Variants in RUNX1 observed in about 807,000 individuals in gnomAD.
RUNX1 encodes the protein runt-related transcription factor 1.
In RUNX1, 19 loss-of-function variants were observed where a neutral mutation model predicts 42.8. The observed-to-expected ratio is 0.44, with a 90% confidence interval of 0.31 to 0.65. RUNX1 has a LOEUF of 0.65. Among genes scored for constraint, RUNX1 ranks in the 30% least tolerant of loss-of-function variants. The pLI, the probability that RUNX1 is intolerant of heterozygous loss-of-function variation, is 0.07. For missense variants in RUNX1, 528 were observed against 672.0 expected (o/e 0.79, Z 2.37); for synonymous variants, 271 against 289.4 (o/e 0.94, Z 0.64).
chr21:34,996,243 T>C (rs1384771002), intron 2 of RUNX1, among the ~76,000 whole-genome samples: 1 of 151,682 alleles, frequency 6.6e-6, no homozygotes, highest in Admixed American at 6.6e-5. Flanking sequence ...TTGTATATAT[T>C]GCTCAGCTCA....
chr21:34,880,789 TA>T (rs1163485737), intron 4 of RUNX1, 76 bp from the exon 5 acceptor site: 2 of 1,426,750 alleles, frequency 1.4e-6, no homozygotes, highest in Middle Eastern at 1.8e-4. Context: ...GTGTAGTGAT[TA>T]TTCTAAAATT....
At chr21:35,010,090 G>T (rs1018052870) in intron 2 of RUNX1, among the ~76,000 whole-genome samples, 1 of 152,128 alleles carries the variant, frequency 6.6e-6, no homozygotes, top group African/African-American at 2.4e-5. Context: ...GAGAAAGCAC[G>T]ACGTCTGTGA....
At chr21:34,889,715 G>A (rs1386529615) in intron 3 of RUNX1, 4 of 1,185,382 alleles carry the variant, frequency 3.4e-6, no homozygotes, top group Admixed American at 4.2e-5. Flanking sequence ...CCCCTGCGCC[G>A]GTCCCCGCGG....
intron 6 of RUNX1, among the ~76,000 whole-genome samples, chr21:34,852,196 A>AAAC (rs1346200376): frequency 6.6e-6 from 1 of 151,678 alleles, no homozygotes; most frequent in African/African-American, 2.4e-5. Context: ...AAACAAAACA[A>AAAC]AACAACAACC....
intron 2 of RUNX1, among the ~76,000 whole-genome samples, chr21:34,908,704 T>C (rs766674768): frequency 3.3e-5 from 5 of 152,238 alleles, no homozygotes; most frequent in Non-Finnish European, 5.9e-5. Context: ...CAAGTCCTGC[T>C]TTCCCAATTT....
chr21:34,951,311 A>G (rs536530443), intron 2 of RUNX1, among the ~76,000 whole-genome samples: 2 of 152,224 alleles, frequency 1.3e-5, no homozygotes, highest in East Asian at 1.9e-4. Context: ...AAAAACTATA[A>G]TTCTTTTGAA....
chr21:34,979,898 G>A lies in RUNX1; in HGVS notation c.58+68944C>T, dbSNP rs531350230. ...GAGTGAGGAGTGCTGGGTCTGCCAGGTGGAGGGTGCTGGGTTCGTCTCAGT... is the reference window on the plus strand; with the variant it reads ...GAGTGAGGAGTGCTGGGTCTGCCAGATGGAGGGTGCTGGGTTCGTCTCAGT... On this transcript the variant is annotated intron_variant, in intron 2 of 8. Coordinates refer to ENST00000675419, the MANE Select transcript of RUNX1 (RefSeq NM_001754.5). Among the ~76,000 whole-genome samples the A allele has an allele frequency of 2.2e-4, 33 of 152,284 alleles. No homozygotes were observed. In the South Asian group the frequency reaches 6.2e-3, roughly 29 times the overall value.
At chr21:34,814,924 ACTCT>A (rs372183859) in intron 7 of RUNX1, among the ~76,000 whole-genome samples, 2 of 151,056 alleles carry the variant, frequency 1.3e-5, no homozygotes, top group South Asian at 2.1e-4. Context: ...TCACTGACTG[ACTCT>A]CTCTCTCTCA....
chr21:34,906,622 A>T (rs562606258), intron 2 of RUNX1, among the ~76,000 whole-genome samples: 154 of 152,356 alleles, frequency 1.0e-3, no homozygotes, highest in African/African-American at 3.6e-3. Flanking sequence ...CAGTCAGTGC[A>T]CAGAGTAGAC....
At chr21:34,903,349 T>G (rs2834665) in intron 2 of RUNX1, among the ~76,000 whole-genome samples, 39,877 of 152,094 alleles carry the variant, frequency 0.26, 5,804 homozygotes, top group African/African-American at 0.38. Flanking sequence ...TAATTCCTAT[T>G]CAATAAACAG....
intron 2 of RUNX1, among the ~76,000 whole-genome samples, chr21:35,016,797 C>T (rs1255135992): frequency 6.6e-6 from 1 of 152,058 alleles, no homozygotes; most frequent in African/African-American, 2.4e-5. Flanking sequence ...ATGTCCTTCC[C>T]ATCCAAGAGG....
At chr21:34,994,090 T>C (rs1320575515) in intron 2 of RUNX1, among the ~76,000 whole-genome samples, 1 of 152,198 alleles carries the variant, frequency 6.6e-6, no homozygotes, top group Non-Finnish European at 1.5e-5. Context: ...CAGCCCCCTC[T>C]TAGTGAATGG....
intron 2 of RUNX1, among the ~76,000 whole-genome samples, chr21:35,036,900 A>G (rs1212464444): frequency 1.3e-5 from 2 of 152,192 alleles, no homozygotes; most frequent in Non-Finnish European, 2.9e-5. Context: ...AGGGTCAGTC[A>G]GGGTTGGGGT....
chr21:34,923,428 C>A (rs550056844), intron 2 of RUNX1, among the ~76,000 whole-genome samples: 14 of 152,290 alleles, frequency 9.2e-5, no homozygotes, highest in Middle Eastern at 3.4e-3. Flanking sequence ...GACAGTTATG[C>A]ACGTTTTTAA....
At chr21:35,025,453 G>C (rs948877222) in intron 2 of RUNX1, among the ~76,000 whole-genome samples, 1 of 152,126 alleles carries the variant, frequency 6.6e-6, no homozygotes, top group Admixed American at 6.5e-5. Flanking sequence ...ATTCAAGAGA[G>C]AGCCAAGTTC....
chr21:34,878,029 C>T (rs2057839433), intron 5 of RUNX1, among the ~76,000 whole-genome samples: 1 of 151,994 alleles, frequency 6.6e-6, no homozygotes, highest in South Asian at 2.1e-4. Flanking sequence ...TTTTCAAAAA[C>T]AGAAAATGAG....
intron 2 of RUNX1, among the ~76,000 whole-genome samples, chr21:34,927,478 C>T (rs936508058): frequency 6.6e-6 from 1 of 152,174 alleles, no homozygotes; most frequent in Non-Finnish European, 1.5e-5. Flanking sequence ...CATGCAAGTG[C>T]CCTGGGTCAA....
At chr21:34,977,483 A>C (rs978443413) in intron 2 of RUNX1, among the ~76,000 whole-genome samples, 1 of 152,132 alleles carries the variant, frequency 6.6e-6, no homozygotes, top group Non-Finnish European at 1.5e-5. Flanking sequence ...TGGTCAAGTC[A>C]CTCCAAGACT....
Position 34,986,310 on chromosome 21 carries a change from A to C in RUNX1, c.58+62532T>G, listed in dbSNP as rs114295012. 3.5e-3 allele frequency among the ~76,000 whole-genome samples: 536 copies of C among 152,042 alleles called. 2 individuals carry two copies. The highest frequency in any genetic ancestry group is 0.012 in the African/African-American group (502 of 41,426). Reference sequence around the variant, plus strand: ...AAAGGCTGGCACTGTTTGTTTCCTCAAACCTGAAAGTTGAAAGGTCAAGAT... The same window carrying C: ...AAAGGCTGGCACTGTTTGTTTCCTCCAACCTGAAAGTTGAAAGGTCAAGAT... On this transcript the variant is annotated intron_variant, in intron 2 of 8. Coordinates refer to ENST00000675419, the MANE Select transcript of RUNX1 (RefSeq NM_001754.5).
Sources: allele counts gnomAD v4.1 joint callset (sites outside exome capture counted in the v4.1 genomes callset), GRCh38; gene constraint gnomAD v4.1.1; transcripts MANE v1.5; gene names NCBI Gene and HGNC (gene_info 2026-07-23, HGNC 2026-07-21).